The following SPAG16 variants were observed in gnomAD, a reference collection of about 807,000 sequenced individuals.
SPAG16 encodes sperm-associated antigen 16 protein.
A neutral mutation model predicts 80.4 loss-of-function variants in SPAG16; 86 were observed. The ratio of observed to expected loss-of-function variants is 1.07; its 90% confidence interval spans 0.90 to 1.28. The LOEUF (loss-of-function observed/expected upper bound fraction) is 1.28, where lower values mean the gene tolerates loss of function less well. Ranked by LOEUF, SPAG16 falls within the 50% of genes most tolerant of loss-of-function variation. The pLI, the probability that SPAG16 is intolerant of heterozygous loss-of-function variation, is 0.00. For synonymous variants in SPAG16, 294 were observed against 265.9 expected, an observed-to-expected ratio of 1.11 and a Z score of -1.03; for missense variants, 870 against 765.3, an observed-to-expected ratio of 1.14 and a Z score of -1.61.
intron 10 of SPAG16, among the ~76,000 whole-genome samples, chr2:213,732,175 C>A (rs973889349): frequency 6.6e-6 from 1 of 152,158 alleles, no homozygotes; most frequent in Non-Finnish European, 1.5e-5. Flanking sequence ...ATAGGGAATC[C>A]TTTTCCCATT....
intron 10 of SPAG16, among the ~76,000 whole-genome samples, chr2:213,707,428 T>C (rs1310510176): frequency 6.6e-6 from 1 of 152,224 alleles, no homozygotes; most frequent in Non-Finnish European, 1.5e-5. Context: ...GAAATTCTCT[T>C]TCTCAAAAGT....
At chr2:213,826,588 A>G (rs915999595) in intron 10 of SPAG16, among the ~76,000 whole-genome samples, 7 of 151,794 alleles carry the variant, frequency 4.6e-5, no homozygotes, top group African/African-American at 1.5e-4. Context: ...GTTTTATTCC[A>G]TTGTGTTCAG....
intron 15 of SPAG16, among the ~76,000 whole-genome samples, chr2:214,262,293 T>A (rs1304407101): frequency 6.6e-6 from 1 of 152,000 alleles, no homozygotes; most frequent in Admixed American, 6.5e-5. Flanking sequence ...TTTGAGTTAA[T>A]TTTTTGAACG....
chr2:214,269,312 T>C (rs1309931271), intron 15 of SPAG16, among the ~76,000 whole-genome samples: 1 of 151,970 alleles, frequency 6.6e-6, no homozygotes, highest in African/African-American at 2.4e-5. Flanking sequence ...AAATAAAACA[T>C]CTAGCCTAAT....
At chr2:213,778,973 A>T (rs1349036812) in intron 10 of SPAG16, among the ~76,000 whole-genome samples, 3 of 152,178 alleles carry the variant, frequency 2.0e-5, no homozygotes, top group Non-Finnish European at 4.4e-5. Context: ...ATTTCATTTT[A>T]TTCTCATCCC....
intron 9 of SPAG16, among the ~76,000 whole-genome samples, chr2:213,378,005 C>T (rs1160498415): frequency 6.6e-6 from 1 of 151,542 alleles, no homozygotes; most frequent in Non-Finnish European, 1.5e-5. Context: ...AATAGGCTGT[C>T]TGCAAACTAA....
intron 15 of SPAG16, among the ~76,000 whole-genome samples, chr2:214,236,959 C>T (rs375033205): frequency 1.3e-5 from 2 of 152,254 alleles, no homozygotes; most frequent in African/African-American, 2.4e-5. Flanking sequence ...ATTTATGGAA[C>T]GCATTCTCCC....
intron 13 of SPAG16, among the ~76,000 whole-genome samples, chr2:214,067,089 A>G (rs1024518456): frequency 1.1e-4 from 17 of 152,108 alleles, no homozygotes; most frequent in African/African-American, 4.1e-4. Flanking sequence ...CACGCTTTCC[A>G]GGTGGTGCTG....
intron 10 of SPAG16, among the ~76,000 whole-genome samples, chr2:213,812,053 G>A (rs569315199): frequency 1.1e-4 from 17 of 152,160 alleles, no homozygotes; most frequent in African/African-American, 4.1e-4. Context: ...AGAGGAGGTG[G>A]AGAACAGAGA....
chr2:213,527,207 C>T (rs756646278), intron 10 of SPAG16, among the ~76,000 whole-genome samples: 8 of 152,142 alleles, frequency 5.3e-5, no homozygotes, highest in Admixed American at 2.0e-4. Context: ...ACCAGTCTGC[C>T]TGTTTTCAGC....
chr2:214,271,526 T>G (rs1576643738), intron 15 of SPAG16, among the ~76,000 whole-genome samples: 1 of 152,182 alleles, frequency 6.6e-6, no homozygotes, highest in East Asian at 1.9e-4. Context: ...ACTGGCCACG[T>G]GTGGTGGCTC....
At chr2:214,374,762 A>G (rs890526295) in intron 15 of SPAG16, among the ~76,000 whole-genome samples, 1 of 152,216 alleles carries the variant, frequency 6.6e-6, no homozygotes, top group Non-Finnish European at 1.5e-5. Flanking sequence ...ACAAAGTTGC[A>G]TCAAAGTAGA....
intron 15 of SPAG16, among the ~76,000 whole-genome samples, chr2:214,194,417 T>C (rs2057765710): frequency 1.3e-5 from 2 of 152,040 alleles, no homozygotes; most frequent in African/African-American, 2.4e-5. Flanking sequence ...GTATGTTTGG[T>C]ATCTGAAATT....
At chr2:214,183,862 G>A (rs1329534843) in intron 15 of SPAG16, among the ~76,000 whole-genome samples, 6 of 152,056 alleles carry the variant, frequency 3.9e-5, no homozygotes, top group African/African-American at 1.4e-4. Flanking sequence ...AGATTATAAA[G>A]AAGCAATCAC....
intron 10 of SPAG16, among the ~76,000 whole-genome samples, chr2:213,690,716 C>G (rs1347386518): frequency 6.6e-6 from 1 of 152,160 alleles, no homozygotes; most frequent in Non-Finnish European, 1.5e-5. Context: ...TTTGCTCCTT[C>G]TCTTCCCATG....
At chr2:214,194,712 G>C (rs1289532447) in intron 15 of SPAG16, among the ~76,000 whole-genome samples, 8 of 152,044 alleles carry the variant, frequency 5.3e-5, no homozygotes, top group Non-Finnish European at 1.0e-4. Flanking sequence ...AGGGATGTCA[G>C]ATGCATATAG....
chr2:214,243,083 T>C (rs951308604), intron 15 of SPAG16, among the ~76,000 whole-genome samples: 3 of 152,066 alleles, frequency 2.0e-5, no homozygotes, highest in African/African-American at 7.2e-5. Flanking sequence ...TTTATAGAAG[T>C]GGTAACTAAG....
intron 15 of SPAG16, among the ~76,000 whole-genome samples, chr2:214,333,299 GGCTATCTATCTT>G (rs1697056943): frequency 6.6e-6 from 1 of 152,124 alleles, no homozygotes; most frequent in Non-Finnish European, 1.5e-5. Flanking sequence ...TACTCTAGTT[GGCTATCTATCTT>G]GCACCTAGCA....
At chr2:213,486,895 A>G (rs1341886901) in intron 9 of SPAG16, among the ~76,000 whole-genome samples, 1 of 152,098 alleles carries the variant, frequency 6.6e-6, no homozygotes, top group Non-Finnish European at 1.5e-5. Flanking sequence ...TAGCAATATA[A>G]ATAGATAATG....
Sources: allele counts gnomAD v4.1 joint callset (sites outside exome capture counted in the v4.1 genomes callset), GRCh38; gene constraint gnomAD v4.1.1; transcripts MANE v1.5; gene names NCBI Gene and HGNC (gene_info 2026-07-23, HGNC 2026-07-21).